Variants in SPSB4 observed in about 807,000 individuals in gnomAD.
The protein encoded by SPSB4 is SPRY domain-containing SOCS box protein 4.
A neutral mutation model predicts 20.9 loss-of-function variants in SPSB4; 21 were observed. That is an observed-to-expected ratio of 1.01 (90% CI 0.71 to 1.45). The LOEUF (loss-of-function observed/expected upper bound fraction) is 1.45, where lower values mean the gene tolerates loss of function less well. SPSB4 is among the 40% of genes most tolerant of loss of function. The pLI, the probability that SPSB4 is intolerant of heterozygous loss-of-function variation, is 0.00. For synonymous variants in SPSB4, 207 were observed against 183.8 expected (o/e 1.13, Z -1.02); for missense variants, 399 against 399.2 (o/e 1.00, Z 0.00).
chr3:141,077,011 GGCAGCCTTTA>G (rs1402915758), intron 2 of SPSB4: 1 of 152,196 alleles, frequency 6.6e-6, no homozygotes, highest in Non-Finnish European at 1.5e-5. Context: ...CCAGGCTGGC[GGCAGCCTTTA>G]TTTACAGGGT....
chr3:141,147,325 T>C lies in SPSB4; in HGVS notation c.*56T>C. The C allele has an allele frequency of 1.2e-6, 2 of 1,605,698 alleles. No homozygotes were observed. Among genetic ancestry groups the C allele is most frequent in the Non-Finnish European group, 1.7e-6 (2 of 1,174,368 alleles). On this transcript the variant is annotated 3_prime_UTR_variant, in exon 3 of 3. Coordinates refer to ENST00000310546, the MANE Select transcript of SPSB4 (RefSeq NM_080862.3). Reference sequence around the variant, plus strand: ...CACACACCGCAGGGCCCGACCCTCCTGTCATTCACAGTCCCATGGCACATA... The same window carrying C: ...CACACACCGCAGGGCCCGACCCTCCCGTCATTCACAGTCCCATGGCACATA...
chr3:141,081,234 T>C (rs1938222133), intron 2 of SPSB4, among the ~76,000 whole-genome samples: 2 of 152,228 alleles, frequency 1.3e-5, no homozygotes, highest in South Asian at 4.1e-4. Flanking sequence ...GTTACTTGGT[T>C]GTGCTAGCCG....
chr3:141,134,049 CTTTTTTCT>C (rs1939184414), intron 2 of SPSB4, among the ~76,000 whole-genome samples: 16 of 63,904 alleles, frequency 2.5e-4, no homozygotes, highest in Middle Eastern at 0.011. Flanking sequence ...TTTTTTTTTT[CTTTTTTCT>C]TTTTTTTTTT....
intron 2 of SPSB4, chr3:141,116,972 A>C (rs1938889095): frequency 6.6e-6 from 1 of 152,172 alleles, no homozygotes; most frequent in Admixed American, 6.5e-5. Flanking sequence ...TGAGCCCCAG[A>C]TCTGAGCCCC....
intron 2 of SPSB4, among the ~76,000 whole-genome samples, chr3:141,074,834 A>G (rs780680048): frequency 2.6e-5 from 4 of 152,212 alleles, no homozygotes; most frequent in Non-Finnish European, 4.4e-5. Flanking sequence ...TGGGCTGGCC[A>G]TTATTGGACC....
At chr3:141,123,068 A>G (rs1293906155) in intron 2 of SPSB4, among the ~76,000 whole-genome samples, 1 of 152,210 alleles carries the variant, frequency 6.6e-6, no homozygotes, top group Non-Finnish European at 1.5e-5. Context: ...CTATTTGGCC[A>G]TCTTGGAAGC....
At chr3:141,121,168 T>C (rs1394274070) in intron 2 of SPSB4, among the ~76,000 whole-genome samples, 3 of 152,180 alleles carry the variant, frequency 2.0e-5, no homozygotes, top group African/African-American at 7.2e-5. Flanking sequence ...CCTTCACTTA[T>C]GAAGCTTAGT....
At position 141,084,774 on chromosome 3, in the gene SPSB4, T is replaced by TC. The variant is rs1938310371; in HGVS notation, c.694+17976_694+17977insC. Among the ~76,000 whole-genome samples, 3 of 152,364 alleles carry TC rather than the reference T, an allele frequency of 2.0e-5. No individual in the cohort carries two copies. The East Asian group carries it at 5.8e-4, about 29-fold the overall frequency. ...AGCTTTTCTGCACTACGGCAGCTGC[T>TC]GGAGCTTCTATAGCTCAGAATGTCT... On this transcript the variant is annotated intron_variant, in intron 2 of 2. Coordinates refer to ENST00000310546, the MANE Select transcript of SPSB4 (RefSeq NM_080862.3).
At chr3:141,056,143 G>T (rs1270427725) in intron 1 of SPSB4, among the ~76,000 whole-genome samples, 1 of 152,250 alleles carries the variant, frequency 6.6e-6, no homozygotes, top group Non-Finnish European at 1.5e-5. Context: ...ACTTCAATGT[G>T]CTGGTATGTG....
At chr3:141,133,156 TG>T (rs1939163889) in intron 2 of SPSB4, among the ~76,000 whole-genome samples, 1 of 152,232 alleles carries the variant, frequency 6.6e-6, no homozygotes, top group South Asian at 2.1e-4. Context: ...ATGGATTATT[TG>T]TTTTTTTCTT....
chr3:141,130,366 G>A (rs150308862), intron 2 of SPSB4, among the ~76,000 whole-genome samples: 89 of 152,218 alleles, frequency 5.8e-4, no homozygotes, highest in African/African-American at 2.0e-3. Flanking sequence ...CTGAGGCTTC[G>A]GACACCAAAA....
intron 2 of SPSB4, among the ~76,000 whole-genome samples, chr3:141,109,337 A>G (rs1255165045): frequency 6.6e-6 from 1 of 152,030 alleles, no homozygotes; most frequent in Non-Finnish European, 1.5e-5. Flanking sequence ...CTCAGTTGTT[A>G]GTCCTAGCTT....
At chr3:141,052,184 C>T (rs976086492) in intron 1 of SPSB4, among the ~76,000 whole-genome samples, 192 bp downstream of exon 1, 5 of 152,094 alleles carry the variant, frequency 3.3e-5, no homozygotes, top group Admixed American at 6.5e-5. Context: ...GTTTGGGGCC[C>T]GGCCTTTGGT....
intron 2 of SPSB4, among the ~76,000 whole-genome samples, chr3:141,124,920 C>G (rs1939027221): frequency 6.6e-6 from 1 of 152,202 alleles, no homozygotes; most frequent in Non-Finnish European, 1.5e-5. Flanking sequence ...GCATTTTCAA[C>G]AGGCTCCCAG....
At chr3:141,134,767 G>T (rs1288220274) in intron 2 of SPSB4, among the ~76,000 whole-genome samples, 1 of 151,962 alleles carries the variant, frequency 6.6e-6, no homozygotes, top group Non-Finnish European at 1.5e-5. Flanking sequence ...AGGGATATTG[G>T]TCTGTAGTTT....
chr3:141,115,531 G>C (rs1158596531), intron 2 of SPSB4, among the ~76,000 whole-genome samples: 1 of 152,192 alleles, frequency 6.6e-6, no homozygotes, highest in East Asian at 1.9e-4. Flanking sequence ...TACCTGCCTG[G>C]CACCATGGAT....
At chr3:141,122,040 CT>C (rs961969237) in intron 2 of SPSB4, among the ~76,000 whole-genome samples, 2 of 152,154 alleles carry the variant, frequency 1.3e-5, no homozygotes, top group Non-Finnish European at 2.9e-5. Context: ...GTTTCTCCCC[CT>C]CTTTGTGGTT....
rs777974268 is a variant in SPSB4 at position 141,066,440 on chromosome 3, C to A, written c.336C>A (p.His112Gln). The change falls in exon 2 of 3, where the codon CAC becomes CAA. Residue 112 changes from histidine to glutamine, a missense_variant. Transcript: ENST00000310546. ...GGCCGGCTCGGCAGCGCGGCACCCA[C>A]GCTGTAGTTGGTGTGGCCACGGCCC... ...INWPARQRGT[H>Q]AVVGVATARA... The A allele has an allele frequency of 6.6e-7, 1 of 1,506,898 alleles. No individual in the cohort carries two copies. Among genetic ancestry groups the A allele is most frequent in the Non-Finnish European group, 8.9e-7 (1 of 1,128,818 alleles). 93.3% of individuals were successfully genotyped at this position (1,506,898 alleles called of 1,614,324 possible).
At chr3:141,083,439 C>G (rs1053940223) in intron 2 of SPSB4, among the ~76,000 whole-genome samples, 3 of 152,188 alleles carry the variant, frequency 2.0e-5, no homozygotes, top group African/African-American at 7.2e-5. Flanking sequence ...GGCCCCTGCC[C>G]CACTTGGGGC....
Sources: allele counts gnomAD v4.1 joint callset (sites outside exome capture counted in the v4.1 genomes callset), GRCh38; gene constraint gnomAD v4.1.1; transcripts MANE v1.5; gene names NCBI Gene and HGNC (gene_info 2026-07-23, HGNC 2026-07-21).